Variants in WDR1 observed in about 807,000 individuals in gnomAD.
WDR1 encodes the protein WD repeat-containing protein 1.
Under a neutral mutation model 71.9 loss-of-function variants are expected in WDR1, and 21 were observed. That is an observed-to-expected ratio of 0.29 (90% CI 0.21 to 0.42). The LOEUF is 0.42. WDR1 is among the 10% of genes least tolerant of loss of function. The pLI, the probability that WDR1 is intolerant of heterozygous loss-of-function variation, is 1.00. For synonymous variants in WDR1, 424 were observed against 347.4 expected (o/e 1.22, Z -2.45); for missense variants, 696 against 824.5 (o/e 0.84, Z 1.91).
intron 5 of WDR1, among the ~76,000 whole-genome samples, chr4:10,095,319 A>G (rs1463209470): frequency 1.3e-5 from 2 of 152,252 alleles, no homozygotes; most frequent in Non-Finnish European, 2.9e-5. Flanking sequence ...AAATGCCCAC[A>G]TATGGTTTTA....
At chr4:10,085,719 A>G (rs1333659905) in intron 8 of WDR1, among the ~76,000 whole-genome samples, 1 of 152,190 alleles carries the variant, frequency 6.6e-6, no homozygotes, top group Non-Finnish European at 1.5e-5. Context: ...TTCCCTGTAA[A>G]CTTAGTGCCT....
chr4:10,095,412 T>A (rs1337976934), intron 5 of WDR1, among the ~76,000 whole-genome samples: 1 of 152,208 alleles, frequency 6.6e-6, no homozygotes, highest in African/African-American at 2.4e-5. Flanking sequence ...AGAGCCCACA[T>A]ACGGGAGGAA....
intron 2 of WDR1, among the ~76,000 whole-genome samples, chr4:10,114,478 G>A (rs926475314): frequency 1.3e-5 from 2 of 152,212 alleles, no homozygotes; most frequent in Admixed American, 6.5e-5. Flanking sequence ...AGCTATCACA[G>A]GGCCAGATGC....
intron 2 of WDR1, among the ~76,000 whole-genome samples, chr4:10,112,121 T>C (rs1287040869): frequency 1.3e-5 from 2 of 152,052 alleles, no homozygotes; most frequent in East Asian, 1.9e-4. Context: ...GGCTGGGTAA[T>C]TTTTATTGTA....
In WDR1 at chr4:10,113,156, C is replaced by G. The variant is rs545675670; in HGVS notation, c.138+2957G>C. Among the ~76,000 whole-genome samples the G allele has an allele frequency of 4.6e-5, 7 of 152,270 alleles. No homozygotes were observed. In the East Asian group the frequency reaches 9.7e-4, roughly 21 times the overall value. On this transcript the variant is annotated intron_variant, in intron 2 of 14. Transcript: ENST00000499869. ...AGCAGATCACTTGAGGTTGGGAGTT[C>G]AAGATCAGCCTGGCCAACACGGCGA...
At chr4:10,106,663 T>C (rs1416282084) in intron 2 of WDR1, 1 of 152,216 alleles carries the variant, frequency 6.6e-6, no homozygotes, top group Non-Finnish European at 1.5e-5. Context: ...TTCCCCTAAA[T>C]GGTCAGGGCT....
At position 10,087,936 on chromosome 4, in the gene WDR1, C is replaced by G; in HGVS notation, c.722G>C (p.Ser241Thr). 6.4e-7 allele frequency: 1 copy of G among 1,551,380 alleles called. No individual in the cohort carries two copies. Among genetic ancestry groups the G allele is most frequent in the South Asian group, 1.2e-5 (1 of 83,882 alleles). Residue 241 changes from serine (S) to threonine (T), a missense_variant, in exon 8 of 15, where the codon AGT becomes ACT. Coordinates refer to ENST00000499869, the MANE Select transcript of WDR1 (RefSeq NM_017491.5). ...CAAATGGGTGCTGTCGGGACTCCAA[C>G]TAATCTATTCAGAAAAAAGCAGTGT... ...KAHDGGIYAI[S>T]WSPDSTHLLS...
chr4:10,075,928 G>A (rs1219302833), intron 14 of WDR1: 3 of 174,072 alleles, frequency 1.7e-5, no homozygotes, highest in South Asian at 1.4e-4. Flanking sequence ...GGACTGGGGG[G>A]GCCACTGACT....
intron 9 of WDR1, 130 bp downstream of exon 9, chr4:10,084,313 G>T: frequency 1.3e-6 from 1 of 787,510 alleles, no homozygotes; most frequent in Non-Finnish European, 2.2e-6. Flanking sequence ...AAGCCACACG[G>T]GTCAGAAGAG....
At chr4:10,108,932 C>T (rs1713188145) in intron 2 of WDR1, among the ~76,000 whole-genome samples, 1 of 152,232 alleles carries the variant, frequency 6.6e-6, no homozygotes, top group Non-Finnish European at 1.5e-5. Flanking sequence ...CACCTGCCTT[C>T]TGTACTACGT....
intron 8 of WDR1, among the ~76,000 whole-genome samples, chr4:10,084,989 T>G (rs1479752166): frequency 6.6e-6 from 1 of 152,038 alleles, no homozygotes; most frequent in East Asian, 1.9e-4. Context: ...TGCCCAGGAG[T>G]GCTGGCCCTG....
rs1712430000 is a variant in WDR1 at position 10,097,690 on chromosome 4, C to T, written c.558+21G>A. On this transcript the variant is annotated intron_variant, in intron 5 of 14. Transcript: ENST00000499869. ...CTCATGTACAAACCACAAATTTCAC[C>T]CAAAAAGTAAGTTCACTTACGCCAA... 2.5e-6 allele frequency: 4 copies of T among 1,599,212 alleles called. 1 individual carries two copies. Among genetic ancestry groups the T allele is most frequent in the South Asian group, 2.2e-5 (2 of 89,990 alleles).
intron 2 of WDR1, among the ~76,000 whole-genome samples, chr4:10,112,278 A>G (rs1372548532): frequency 1.3e-5 from 2 of 152,084 alleles, no homozygotes; most frequent in African/African-American, 4.8e-5. Flanking sequence ...CCCCAGACCT[A>G]AGGAGGTACC....
At chr4:10,081,587 T>C in intron 10 of WDR1, 143 bp from the exon 11 acceptor site, 1 of 594,486 alleles carries the variant, frequency 1.7e-6, no homozygotes, top group Non-Finnish European at 2.9e-6. Flanking sequence ...TGCTAAAATA[T>C]GGGATGGTAG....
At chr4:10,111,189 C>T (rs544370160) in intron 2 of WDR1, among the ~76,000 whole-genome samples, 190 of 152,296 alleles carry the variant, frequency 1.2e-3, no homozygotes, top group Admixed American at 2.5e-3. Context: ...AGCAGGGCTG[C>T]GCTATGGTAG....
At chr4:10,099,637 T>A (rs926220810) in intron 3 of WDR1, among the ~76,000 whole-genome samples, 1 of 152,254 alleles carries the variant, frequency 6.6e-6, no homozygotes, top group Non-Finnish European at 1.5e-5. Flanking sequence ...GGTGCACAGC[T>A]GTGAGGGTGC....
intron 6 of WDR1, 92 bp downstream of exon 6, chr4:10,088,572 C>A: frequency 1.6e-6 from 2 of 1,246,574 alleles, no homozygotes; most frequent in South Asian, 1.3e-5. Flanking sequence ...TTCTGCATGT[C>A]AGGACTAGCA....
chr4:10,110,611 TG>T (rs1156640514), intron 2 of WDR1, among the ~76,000 whole-genome samples: 2 of 152,194 alleles, frequency 1.3e-5, no homozygotes, highest in Admixed American at 6.5e-5. Flanking sequence ...AACTCAAATG[TG>T]GCACTTCTCC....
chr4:10,111,190 G>A (rs556102891), intron 2 of WDR1, among the ~76,000 whole-genome samples: 4 of 152,312 alleles, frequency 2.6e-5, no homozygotes, highest in Middle Eastern at 3.4e-3. Context: ...GCAGGGCTGC[G>A]CTATGGTAGG....
Sources: gnomAD v4.1 joint callset for allele counts (sites outside exome capture counted in the v4.1 genomes callset) on GRCh38, gnomAD v4.1.1 for gene constraint, MANE v1.5 for transcripts, NCBI Gene and HGNC (gene_info 2026-07-23, HGNC 2026-07-21) for gene names.